Variants in SLC35E2B observed in about 807,000 individuals in gnomAD.
The protein encoded by SLC35E2B is solute carrier family 35, member E2B.
A neutral mutation model predicts 32.4 loss-of-function variants in SLC35E2B; 18 were observed. The ratio of observed to expected loss-of-function variants is 0.56; its 90% CI spans 0.38 to 0.82. The LOEUF (loss-of-function observed/expected upper bound fraction) is 0.82, where lower values mean the gene tolerates loss of function less well. Ranked by LOEUF, SLC35E2B falls within the 40% of genes least tolerant of loss-of-function variation. The pLI is 0.00. For missense variants in SLC35E2B, 263 were observed against 469.5 expected (o/e 0.56, Z 4.06); for synonymous variants, 132 against 209.1 (o/e 0.63, Z 3.18).
rs550586505 is a variant in SLC35E2B at position 1,692,551 on chromosome 1, G to A, written c.-668C>T. On this transcript the variant is annotated 5_prime_UTR_variant, in exon 1 of 10. Transcript: ENST00000617444. ...GGGGCCTGAGAGGCGCGCGGTGGAG[G>A]GGCCGGGCGCGAGGCCGCGGAGACA... The A allele has an allele frequency of 1.4e-5, 14 of 985,910 alleles. No homozygotes were observed. In the African/African-American group the frequency reaches 1.8e-4, roughly 12 times the overall value. The allele number at this position is 985,910 out of a possible 1,614,324, so 61.1% of individuals were successfully genotyped here. A position where few individuals can be genotyped will look rare whatever the true frequency, so the allele number is the denominator to read the frequency against.
chr1:1,682,653 G>A (rs969670348), intron 2 of SLC35E2B, among the ~76,000 whole-genome samples: 1 of 152,098 alleles, frequency 6.6e-6, no homozygotes, highest in Non-Finnish European at 1.5e-5. Context: ...TCTCGGGGAC[G>A]GGCCCCAGGG....
chr1:1,689,228 A>T (rs574164857), intron 2 of SLC35E2B, among the ~76,000 whole-genome samples: 1 of 152,174 alleles, frequency 6.6e-6, no homozygotes, highest in South Asian at 2.1e-4. Flanking sequence ...CGAGTTGCTG[A>T]AGAAGGAAAC....
At position 1,664,192 on chromosome 1, in the gene SLC35E2B, TAAA is replaced by T. The variant is rs1643480320; in HGVS notation, c.*1587_*1589del. 1 of 610,080 alleles carries T rather than the reference TAAA, an allele frequency of 1.6e-6. No homozygotes were observed. The highest frequency in any genetic ancestry group is 2.0e-5 in the African/African-American group (1 of 51,098). The allele number at this position is 610,080 out of a possible 1,614,324, so 37.8% of individuals were successfully genotyped here. ...ACAGAGCAAGACTGTCTCAAAAAAA[TAAA>T]AAGGTTACTTGTGGGTTAAAAAGCC... On this transcript the variant is annotated 3_prime_UTR_variant, in exon 10 of 10. Transcript: ENST00000617444.
chr1:1,667,477 A>G lies in SLC35E2B; in HGVS notation c.980+850T>C, dbSNP rs550504268. ...AATTGCAGCTTCATTCAATCTGCCC[A>G]GTTACAGAAGTGGAAAGAAGCTGAA... On this transcript the variant is annotated intron_variant, in intron 9 of 9. Transcript: ENST00000617444. Among the ~76,000 whole-genome samples, 4 of 152,270 alleles carry G rather than the reference A, an allele frequency of 2.6e-5. No homozygotes were observed. The East Asian group carries it at 7.7e-4, about 29-fold the overall frequency.
At position 1,675,040 on chromosome 1, in the gene SLC35E2B, G is replaced by A. The variant is rs529088035; in HGVS notation, c.586+423C>T. Among the ~76,000 whole-genome samples the A allele has an allele frequency of 5.1e-4, 77 of 151,968 alleles. 1 individual carries two copies. Among genetic ancestry groups the A allele is most frequent in the African/African-American group, 1.6e-3 (65 of 41,332 alleles). Reference sequence around the variant, plus strand: ...GGGCCCAGGACAGGCCTGTGGTGGCGGGTGCTGGAGAGGCTGTGGGGTGCT... The same window carrying A: ...GGGCCCAGGACAGGCCTGTGGTGGCAGGTGCTGGAGAGGCTGTGGGGTGCT... On this transcript the variant is annotated intron_variant, in intron 5 of 9. Transcript: ENST00000617444.
intron 2 of SLC35E2B, among the ~76,000 whole-genome samples, chr1:1,686,254 G>A (rs1394163425): frequency 6.6e-6 from 1 of 151,322 alleles, no homozygotes; most frequent in Admixed American, 6.6e-5. Context: ...TGCCTGCCTC[G>A]GCCTCCCAAA....
At chr1:1,685,150 G>A (rs1204641733) in intron 2 of SLC35E2B, among the ~76,000 whole-genome samples, 1 of 150,986 alleles carries the variant, frequency 6.6e-6, no homozygotes, top group Non-Finnish European at 1.5e-5. Context: ...GCCCAGGTGT[G>A]TTGGTTCATG....
At chr1:1,681,079 C>T (rs1557762948) in intron 2 of SLC35E2B, among the ~76,000 whole-genome samples, 1 of 152,128 alleles carries the variant, frequency 6.6e-6, no homozygotes, top group Non-Finnish European at 1.5e-5. Context: ...CAGGAGCCAC[C>T]CCTGCAGAGG....
intron 2 of SLC35E2B, among the ~76,000 whole-genome samples, chr1:1,678,907 C>T (rs1181459518): frequency 1.3e-5 from 2 of 152,126 alleles, no homozygotes; most frequent in Non-Finnish European, 2.9e-5. Context: ...AGCTACCTGG[C>T]TTTCCTGAGG....
chr1:1,683,621 G>A (rs1405352960), intron 2 of SLC35E2B, among the ~76,000 whole-genome samples: 2 of 151,876 alleles, frequency 1.3e-5, no homozygotes, highest in African/African-American at 4.8e-5. Flanking sequence ...ACCTTCGCTC[G>A]CTGCGTCCCT....
intron 2 of SLC35E2B, among the ~76,000 whole-genome samples, chr1:1,679,955 AC>A (rs1188214068): frequency 2.6e-5 from 4 of 151,008 alleles, no homozygotes; most frequent in African/African-American, 9.8e-5. Context: ...ACGTGGAGAA[AC>A]CCCGTCTCTA....
chr1:1,690,372 G>T lies in SLC35E2B; in HGVS notation c.-148+604C>A, dbSNP rs1268574369. ...AGCCACAACCTGGGAAAAAATACTT[G>T]CAACATGGCAAAGGATTAATATCCA... On this transcript the variant is annotated intron_variant, in intron 2 of 9. Transcript: ENST00000617444. 1.3e-5 allele frequency among the ~76,000 whole-genome samples: 2 copies of T among 149,014 alleles called. 1 individual carries two copies. The highest frequency in any genetic ancestry group is 3.0e-5 in the Non-Finnish European group (2 of 67,294).
intron 2 of SLC35E2B, among the ~76,000 whole-genome samples, chr1:1,684,812 A>AAAC (rs1643932518): frequency 6.8e-6 from 1 of 148,092 alleles, no homozygotes; most frequent in East Asian, 2.0e-4. Context: ...AAAAAAAAAA[A>AAAC]AACAGGACAG....
Position 1,681,471 on chromosome 1 carries a change from T to G in SLC35E2B, c.-147-4625A>C, listed in dbSNP as rs997848349. Among the ~76,000 whole-genome samples, 16 of 151,294 alleles carry G rather than the reference T, an allele frequency of 1.1e-4. 1 individual carries two copies. The highest frequency in any genetic ancestry group is 3.6e-4 in the African/African-American group (15 of 41,188). On this transcript the variant is annotated intron_variant, in intron 2 of 9. Coordinates refer to ENST00000617444, the MANE Select transcript of SLC35E2B (RefSeq NM_001290264.2). ...ATCCACCCACCTAGGCCTCCCAAAG[T>G]GCTGGGACTACAGGCGTGAGCCACC...
rs28437330 is a variant in SLC35E2B at position 1,687,007 on chromosome 1, G to T, written c.-148+3969C>A. On this transcript the variant is annotated intron_variant, in intron 2 of 9. Transcript: ENST00000617444. Reference sequence around the variant, plus strand: ...GGAGGCGGAGCTTGCAGTGAGCTGAGATCGTGCCACTGCACTCCAGCCTGG... The same window carrying T: ...GGAGGCGGAGCTTGCAGTGAGCTGATATCGTGCCACTGCACTCCAGCCTGG... 7.9e-3 allele frequency among the ~76,000 whole-genome samples: 1,203 copies of T among 152,260 alleles called. 20 individuals are homozygous for T. Among genetic ancestry groups the T allele is most frequent in the African/African-American group, 0.028 (1,147 of 41,542 alleles).
intron 2 of SLC35E2B, among the ~76,000 whole-genome samples, chr1:1,686,597 C>T (rs1643954756): frequency 6.6e-6 from 1 of 150,810 alleles, no homozygotes; most frequent in Non-Finnish European, 1.5e-5. Flanking sequence ...GAAACCCCAT[C>T]CCTAGTAAAA....
intron 2 of SLC35E2B, among the ~76,000 whole-genome samples, chr1:1,680,309 A>T (rs1294496485): frequency 1.3e-5 from 2 of 151,034 alleles, no homozygotes; most frequent in Non-Finnish European, 2.9e-5. Flanking sequence ...TCTAAAAATT[A>T]AAAAAAAGTT....
rs1643649693 is a variant in SLC35E2B at position 1,670,158 on chromosome 1, T to TAAAGA, written c.708-12_708-8dup. 2 of 1,548,512 alleles carry TAAAGA rather than the reference T, an allele frequency of 1.3e-6. No individual in the cohort carries two copies. Among genetic ancestry groups the TAAAGA allele is most frequent in the African/African-American group, 1.4e-5 (1 of 73,050 alleles). On this transcript the variant is annotated splice_polypyrimidine_tract_variant and splice_region_variant and intron_variant, in intron 6 of 9. Transcript: ENST00000617444. Reference sequence around the variant, plus strand: ...TGAAAAAACATTTTGCAAACTAGAATAAAGAAAAGAGGTTATGCATCAATA... The same window carrying TAAAGA: ...TGAAAAAACATTTTGCAAACTAGAATAAAGAAAAGAAAAGAGGTTATGCATCAATA...
intron 2 of SLC35E2B, among the ~76,000 whole-genome samples, chr1:1,688,969 A>G (rs890751449): frequency 6.6e-6 from 1 of 151,906 alleles, no homozygotes; most frequent in Non-Finnish European, 1.5e-5. Context: ...CAGGAGATTG[A>G]GACCATCCTG....
Sources: gnomAD v4.1 joint callset for allele counts (sites outside exome capture counted in the v4.1 genomes callset) on GRCh38, gnomAD v4.1.1 for gene constraint, MANE v1.5 for transcripts, NCBI Gene and HGNC (gene_info 2026-07-23, HGNC 2026-07-21) for gene names.